The following KCNC2 variants were observed in gnomAD, a reference collection of about 807,000 sequenced individuals.
KCNC2 encodes voltage-gated potassium channel KCNC2.
Under a neutral mutation model 44.5 loss-of-function variants are expected in KCNC2, and 21 were observed. The observed-to-expected ratio is 0.47, with a 90% CI of 0.33 to 0.68. The LOEUF is 0.68. Ranked by LOEUF, KCNC2 falls within the 30% of genes least tolerant of loss-of-function variation. The pLI is 0.01. For synonymous variants in KCNC2, 391 were observed against 339.1 expected, an observed-to-expected ratio of 1.15 and a Z score of -1.68; for missense variants, 589 against 826.2, an observed-to-expected ratio of 0.71 and a Z score of 3.52.
chr12:75,145,574 A>T (rs938388142), intron 2 of KCNC2, among the ~76,000 whole-genome samples: 10 of 152,028 alleles, frequency 6.6e-5, no homozygotes, highest in Non-Finnish European at 1.5e-4. Context: ...TACAGGTTCA[A>T]CCATTCCTTG....
chr12:75,108,753 T>C (rs1472599985), intron 2 of KCNC2, among the ~76,000 whole-genome samples: 1 of 152,208 alleles, frequency 6.6e-6, no homozygotes, highest in Non-Finnish European at 1.5e-5. Flanking sequence ...TCCCGTGTGG[T>C]AGTTTCAAGG....
chr12:75,085,128 G>A (rs923462620), intron 2 of KCNC2, among the ~76,000 whole-genome samples: 3 of 151,960 alleles, frequency 2.0e-5, no homozygotes, highest in African/African-American at 7.2e-5. Context: ...GAACTTGTTA[G>A]GCTTTATGCA....
intron 2 of KCNC2, chr12:75,124,058 T>C (rs1363176929): frequency 6.6e-6 from 1 of 152,232 alleles, no homozygotes; most frequent in Non-Finnish European, 1.5e-5. Flanking sequence ...TGCATGAAAC[T>C]TGATCTTCTG....
intron 2 of KCNC2, among the ~76,000 whole-genome samples, chr12:75,164,859 T>C (rs192171125): frequency 6.6e-6 from 1 of 151,432 alleles, no homozygotes; most frequent in Admixed American, 6.6e-5. Flanking sequence ...ATTTATTGAA[T>C]ATTCATTATT....
chr12:75,132,372 T>C (rs757012118), intron 2 of KCNC2, among the ~76,000 whole-genome samples: 13 of 152,156 alleles, frequency 8.5e-5, no homozygotes, highest in Non-Finnish European at 1.6e-4. Flanking sequence ...AGAAATAAAG[T>C]TAGTTAAATG....
chr12:75,141,462 T>C (rs1187911752), intron 2 of KCNC2, among the ~76,000 whole-genome samples: 1 of 152,206 alleles, frequency 6.6e-6, no homozygotes, highest in Non-Finnish European at 1.5e-5. Context: ...GACACTTTGA[T>C]TTTAAATACT....
At chr12:75,053,156 C>A (rs1273010398) in intron 2 of KCNC2, among the ~76,000 whole-genome samples, 2 of 152,088 alleles carry the variant, frequency 1.3e-5, no homozygotes, top group African/African-American at 4.8e-5. Flanking sequence ...TCATAAATTA[C>A]TTCTTAATCT....
At chr12:75,175,866 T>C (rs576339639) in intron 2 of KCNC2, among the ~76,000 whole-genome samples, 151 of 152,096 alleles carry the variant, frequency 9.9e-4, no homozygotes, top group Non-Finnish European at 1.9e-3. Flanking sequence ...CAGGTAATTA[T>C]GGGATGTCCA....
chr12:75,130,140 A>C (rs538844640), intron 2 of KCNC2, among the ~76,000 whole-genome samples: 1 of 152,194 alleles, frequency 6.6e-6, no homozygotes. Flanking sequence ...CTATCTATGT[A>C]TAATTTCCCA....
At chr12:75,112,834 A>G (rs554517912) in intron 2 of KCNC2, among the ~76,000 whole-genome samples, 1 of 152,230 alleles carries the variant, frequency 6.6e-6, no homozygotes, top group South Asian at 2.1e-4. Context: ...AAGGATAAAC[A>G]CTGATTAAAA....
At chr12:75,119,166 C>T (rs915702782) in intron 2 of KCNC2, among the ~76,000 whole-genome samples, 4 of 152,148 alleles carry the variant, frequency 2.6e-5, no homozygotes, top group African/African-American at 9.7e-5. Context: ...CACAAAATGG[C>T]CCTGTCAAAT....
Position 75,043,088 on chromosome 12 carries a change from C to G in KCNC2, c.*17G>C. ...ATTAATACAATTTAGCCGACTGATG[C>G]AGTTTGGTTGTTTGGTTTACAAGAT... On this transcript the variant is annotated 3_prime_UTR_variant, in exon 5 of 5. Coordinates refer to ENST00000549446, the MANE Select transcript of KCNC2 (RefSeq NM_139137.4). 2.5e-6 allele frequency: 4 copies of G among 1,609,722 alleles called. No homozygotes were observed. Among genetic ancestry groups the G allele is most frequent in the Non-Finnish European group, 3.4e-6 (4 of 1,177,842 alleles).
chr12:75,112,537 C>T (rs1182566164), intron 2 of KCNC2, among the ~76,000 whole-genome samples: 1 of 151,972 alleles, frequency 6.6e-6, no homozygotes, highest in Non-Finnish European at 1.5e-5. Flanking sequence ...TCTCCATTTA[C>T]TTCTTTTTAC....
chr12:75,192,924 C>CA (rs900544630), intron 2 of KCNC2, among the ~76,000 whole-genome samples: 7 of 151,906 alleles, frequency 4.6e-5, no homozygotes, highest in East Asian at 1.9e-4. Flanking sequence ...ATTTTCACCA[C>CA]AAAAAAAGTA....
intron 2 of KCNC2, among the ~76,000 whole-genome samples, chr12:75,150,993 C>A (rs548483689): frequency 1.3e-5 from 2 of 151,972 alleles, no homozygotes; most frequent in South Asian, 4.1e-4. Context: ...GGATTATATG[C>A]TCTACATAAA....
chr12:75,173,261 T>C (rs1190179699), intron 2 of KCNC2, among the ~76,000 whole-genome samples: 2 of 151,936 alleles, frequency 1.3e-5, no homozygotes, highest in East Asian at 1.9e-4. Flanking sequence ...AAGTCAATTA[T>C]AGTTCTAAAA....
chr12:75,045,691 C>A (rs1049448934), intron 4 of KCNC2, among the ~76,000 whole-genome samples: 1 of 151,884 alleles, frequency 6.6e-6, no homozygotes, highest in African/African-American at 2.4e-5. Context: ...AAACTACCTA[C>A]CCATGTGCTA....
Position 75,075,458 on chromosome 12 carries a change from C to CATATATATATATATAT in KCNC2, c.688-24157_688-24142dup, listed in dbSNP as rs5799200. ...TTCTCAGGAGAGAAATATATATATA[C>CATATATATATATATAT]ATATATATATATATATATATATATA... On this transcript the variant is annotated intron_variant, in intron 2 of 4. Coordinates refer to ENST00000549446, the MANE Select transcript of KCNC2 (RefSeq NM_139137.4). Among the ~76,000 whole-genome samples, 1,369 of 145,266 alleles carry CATATATATATATATAT rather than the reference C, an allele frequency of 9.4e-3. 14 individuals are homozygous for CATATATATATATATAT. Among genetic ancestry groups the CATATATATATATATAT allele is most frequent in the Middle Eastern group, 0.015 (4 of 270 alleles).
chr12:75,179,964 A>G (rs1024990745), intron 2 of KCNC2, among the ~76,000 whole-genome samples: 1 of 151,802 alleles, frequency 6.6e-6, no homozygotes, highest in African/African-American at 2.4e-5. Flanking sequence ...AATATCATCT[A>G]TTTGTAGACT....
Sources: allele counts gnomAD v4.1 joint callset (sites outside exome capture counted in the v4.1 genomes callset), GRCh38; gene constraint gnomAD v4.1.1; transcripts MANE v1.5; gene names NCBI Gene and HGNC (gene_info 2026-07-23, HGNC 2026-07-21).